Variants in GPC3 observed in about 807,000 individuals in gnomAD.
GPC3 encodes glypican-3.
In GPC3, 3 loss-of-function variants were observed where a neutral mutation model predicts 34.4. The observed-to-expected ratio is 0.09, with a 90% confidence interval of 0.04 to 0.23. The LOEUF (loss-of-function observed/expected upper bound fraction) is 0.23, where lower values mean the gene tolerates loss of function less well. Ranked by LOEUF, GPC3 falls within the 10% of genes least tolerant of loss-of-function variation. The pLI is 1.00. For missense variants in GPC3, 351 were observed against 445.6 expected, an observed-to-expected ratio of 0.79 and a Z score of 1.91; for synonymous variants, 177 against 174.0, an observed-to-expected ratio of 1.02 and a Z score of -0.13.
At chrX:133,580,093 T>C (rs1209545335) in intron 7 of GPC3, among the ~76,000 whole-genome samples, 1 of 111,911 alleles carries the variant, frequency 8.9e-6, no homozygotes, top group Non-Finnish European at 1.9e-5. Flanking sequence ...GAGAAAAGAT[T>C]GGAGATGTAG....
At chrX:133,596,749 C>T (rs2069922018) in intron 6 of GPC3, 150 bp from the exon 7 acceptor site, 1 of 559,752 alleles carries the variant, frequency 1.8e-6, no homozygotes, top group East Asian at 3.5e-5. Flanking sequence ...GTGTAAACTG[C>T]TTATACTCTT....
chrX:133,766,411 G>A (rs1184346393), intron 2 of GPC3, among the ~76,000 whole-genome samples: 3 of 111,749 alleles, frequency 2.7e-5, no homozygotes, highest in African/African-American at 9.7e-5. Flanking sequence ...ATACAAGATG[G>A]CCTATCTCAT....
At chrX:133,687,428 G>A (rs1276488394) in intron 5 of GPC3, among the ~76,000 whole-genome samples, 2 of 66,306 alleles carry the variant, frequency 3.0e-5, no homozygotes, top group African/African-American at 1.3e-4. Flanking sequence ...ATCTTACTCT[G>A]TCGCCCAGGC....
At chrX:133,846,023 G>T (rs1414767943) in intron 2 of GPC3, among the ~76,000 whole-genome samples, 1 of 111,708 alleles carries the variant, frequency 9.0e-6, no homozygotes, top group Non-Finnish European at 1.9e-5. Flanking sequence ...CTATAATTTT[G>T]ATTAAGGGAA....
chrX:133,883,018 G>C (rs2076048511), intron 2 of GPC3, among the ~76,000 whole-genome samples: 1 of 110,694 alleles, frequency 9.0e-6, no homozygotes, highest in Non-Finnish European at 1.9e-5. Flanking sequence ...CTTAAAGATA[G>C]ATTCTGAACT....
At chrX:133,764,283 A>G (rs1382251280) in intron 2 of GPC3, among the ~76,000 whole-genome samples, 1 of 111,382 alleles carries the variant, frequency 9.0e-6, no homozygotes, top group Non-Finnish European at 1.9e-5. Flanking sequence ...TGGGGGTTTA[A>G]AAATTAACTA....
At chrX:133,727,085 TAAG>T (rs1355265607) in intron 3 of GPC3, among the ~76,000 whole-genome samples, 1 of 111,919 alleles carries the variant, frequency 8.9e-6, no homozygotes, top group African/African-American at 3.3e-5. Context: ...ATGAGGGAAA[TAAG>T]AAGTTCCACT....
intron 3 of GPC3, among the ~76,000 whole-genome samples, chrX:133,739,313 G>T (rs1016526487): frequency 4.5e-5 from 5 of 111,751 alleles, no homozygotes; most frequent in Non-Finnish European, 9.4e-5. Flanking sequence ...CCCCAAAGAT[G>T]AGTGCCTCCA....
rs2071008458 is a variant in GPC3 at position 133,686,797 on chromosome X, A to T, written c.1292+5572T>A. Among the ~76,000 whole-genome samples, 5 of 110,384 alleles carry T rather than the reference A, an allele frequency of 4.5e-5. No homozygotes were observed. In the Admixed American group the frequency reaches 4.8e-4, roughly 11 times the overall value. On this transcript the variant is annotated intron_variant, in intron 5 of 7. Transcript: ENST00000370818. ...CACACACACACACACACACACACAC[A>T]CACACACTTGCGCCTGCACACACAC...
intron 2 of GPC3, among the ~76,000 whole-genome samples, chrX:133,855,722 A>G (rs2075897964): frequency 9.1e-6 from 1 of 109,863 alleles, no homozygotes; most frequent in Non-Finnish European, 1.9e-5. Flanking sequence ...TGACTTTTTC[A>G]TCTTACAGGT....
At chrX:133,787,574 G>A (rs2072114737) in intron 2 of GPC3, among the ~76,000 whole-genome samples, 1 of 112,086 alleles carries the variant, frequency 8.9e-6, no homozygotes, top group Non-Finnish European at 1.9e-5. Flanking sequence ...TAAACAGAGA[G>A]TGGCAGGTCC....
At chrX:133,591,238 G>T (rs747769392) in intron 7 of GPC3, among the ~76,000 whole-genome samples, 11 of 112,171 alleles carry the variant, frequency 9.8e-5, no homozygotes, top group Non-Finnish European at 2.1e-4. Flanking sequence ...AGGGCTAAAT[G>T]AAATGGTGGT....
At chrX:133,897,386 T>A (rs2124596263) in intron 2 of GPC3, among the ~76,000 whole-genome samples, 1 of 108,904 alleles carries the variant, frequency 9.2e-6, no homozygotes, top group South Asian at 4.1e-4. Flanking sequence ...ACAATGAGGA[T>A]GATACTGATG....
chrX:133,864,885 A>G (rs1325742516), intron 2 of GPC3, among the ~76,000 whole-genome samples: 2 of 112,669 alleles, frequency 1.8e-5, no homozygotes, highest in African/African-American at 6.5e-5. Flanking sequence ...GCATTTAAAT[A>G]GCTTATGGAA....
chrX:133,933,867 T>C (rs1300030825), intron 2 of GPC3, among the ~76,000 whole-genome samples: 1 of 106,860 alleles, frequency 9.4e-6, no homozygotes, highest in Non-Finnish European at 1.9e-5. Flanking sequence ...TTTTTTTTTT[T>C]GTTTTTTTTT....
intron 4 of GPC3, among the ~76,000 whole-genome samples, chrX:133,693,485 T>C (rs1371129167): frequency 1.8e-5 from 2 of 111,983 alleles, no homozygotes; most frequent in Non-Finnish European, 3.8e-5. Context: ...TAAAGCATCC[T>C]TCACATCCAA....
chrX:133,947,415 C>T (rs1036542368), intron 2 of GPC3, among the ~76,000 whole-genome samples: 7 of 111,480 alleles, frequency 6.3e-5, no homozygotes, highest in East Asian at 2.8e-4. Context: ...CATATTGAGT[C>T]GTTTTTCTAA....
chrX:133,954,657 A>G (rs1386581706), intron 1 of GPC3, among the ~76,000 whole-genome samples: 2 of 109,801 alleles, frequency 1.8e-5, no homozygotes, highest in African/African-American at 6.6e-5. Flanking sequence ...TCCTCCACCA[A>G]TACTAACAAA....
intron 3 of GPC3, among the ~76,000 whole-genome samples, chrX:133,730,820 A>G (rs1380709293): frequency 8.9e-6 from 1 of 111,732 alleles, no homozygotes; most frequent in East Asian, 2.8e-4. Context: ...AAGGTATGGC[A>G]GAAAGAATAC....
Sources: gnomAD v4.1 joint callset for allele counts (sites outside exome capture counted in the v4.1 genomes callset) on GRCh38, gnomAD v4.1.1 for gene constraint, MANE v1.5 for transcripts, NCBI Gene and HGNC (gene_info 2026-07-23, HGNC 2026-07-21) for gene names.